The following DLG2 variants were observed in gnomAD, a reference collection of about 807,000 sequenced individuals.
DLG2 encodes the protein discs large MAGUK scaffold protein 2, also known as disks large homolog 2.
Under a neutral mutation model 132.5 loss-of-function variants are expected in DLG2, and 45 were observed. The ratio of observed to expected loss-of-function variants is 0.34; its 90% CI spans 0.27 to 0.44. The LOEUF (loss-of-function observed/expected upper bound fraction) is 0.44, where lower values mean the gene tolerates loss of function less well. Ranked by LOEUF, DLG2 falls within the 20% of genes least tolerant of loss-of-function variation. The pLI, the probability that DLG2 is intolerant of heterozygous loss-of-function variation, is 1.00. For synonymous variants in DLG2, 424 were observed against 419.6 expected, an observed-to-expected ratio of 1.01 and a Z score of -0.13; for missense variants, 1,045 against 1,196.9, an observed-to-expected ratio of 0.87 and a Z score of 1.87.
At chr11:84,563,166 T>C (rs967148137) in intron 6 of DLG2, among the ~76,000 whole-genome samples, 5 of 152,166 alleles carry the variant, frequency 3.3e-5, no homozygotes, top group East Asian at 1.9e-4. Context: ...TAAATACATA[T>C]ATGTTGAATA....
chr11:85,140,382 G>A (rs2076388169), intron 5 of DLG2, among the ~76,000 whole-genome samples: 1 of 151,794 alleles, frequency 6.6e-6, no homozygotes, highest in South Asian at 2.1e-4. Context: ...CCAAAACAAA[G>A]AAAGGTATGC....
intron 6 of DLG2, among the ~76,000 whole-genome samples, chr11:84,779,658 T>A (rs553702705): frequency 4.0e-5 from 6 of 151,894 alleles, no homozygotes; most frequent in African/African-American, 7.2e-5. Context: ...GAGGAGAGAA[T>A]AACCAAATAA....
At chr11:83,903,847 A>C (rs1322682710) in intron 15 of DLG2, among the ~76,000 whole-genome samples, 1 of 152,182 alleles carries the variant, frequency 6.6e-6, no homozygotes, top group Non-Finnish European at 1.5e-5. Flanking sequence ...TCTTATCTTC[A>C]GTGGAAATGT....
intron 18 of DLG2, among the ~76,000 whole-genome samples, chr11:83,654,263 T>C (rs2071604949): frequency 5.3e-5 from 8 of 152,128 alleles, no homozygotes; most frequent in Admixed American, 5.2e-4. Flanking sequence ...TAGAATAATA[T>C]CAGAGAATGT....
intron 6 of DLG2, among the ~76,000 whole-genome samples, chr11:84,768,422 G>C (rs971629291): frequency 6.6e-6 from 1 of 151,976 alleles, no homozygotes; most frequent in African/African-American, 2.4e-5. Context: ...TTACTTCAGA[G>C]TGTCACTTCA....
chr11:84,422,650 G>A (rs2098954583), intron 7 of DLG2, among the ~76,000 whole-genome samples: 2 of 152,104 alleles, frequency 1.3e-5, no homozygotes, highest in Admixed American at 6.5e-5. Context: ...AGTTGAAGTT[G>A]TTTTAGTTTA....
chr11:85,050,156 T>A lies in DLG2; in HGVS notation c.357+61505A>T, dbSNP rs868171944. On this transcript the variant is annotated intron_variant, in intron 6 of 27. Coordinates refer to ENST00000376104, the MANE Select transcript of DLG2 (RefSeq NM_001142699.3). ...CACACACACACACACACACACACAC[T>A]GCACACATACATCTTCTGAACTGAG... 7.6e-4 allele frequency among the ~76,000 whole-genome samples: 63 copies of A among 82,624 alleles called. 2 individuals are homozygous for A. Among genetic ancestry groups the A allele is most frequent in the African/African-American group, 2.8e-3 (56 of 20,314 alleles). 54.2% of individuals were successfully genotyped at this position (82,624 alleles called of 152,430 possible). A position where few individuals can be genotyped will look rare whatever the true frequency, so the allele number is the denominator to read the frequency against.
rs116040843 is a variant in DLG2, at chr11:85,542,329, C to G, written c.40+56328G>C. ...TATATTATGTTGGAGAACTCCCCCACGGACCAACAAAAAATGTGTGTACAA... is the reference window on the plus strand; with the variant it reads ...TATATTATGTTGGAGAACTCCCCCAGGGACCAACAAAAAATGTGTGTACAA... On this transcript the variant is annotated intron_variant, in intron 3 of 27. Coordinates refer to ENST00000376104, the MANE Select transcript of DLG2 (RefSeq NM_001142699.3). 2.6e-5 allele frequency among the ~76,000 whole-genome samples: 4 copies of G among 152,148 alleles called. No homozygotes were observed. In the East Asian group the frequency reaches 7.7e-4, roughly 29 times the overall value.
At chr11:83,882,650 C>A (rs924936372) in intron 15 of DLG2, among the ~76,000 whole-genome samples, 1 of 152,124 alleles carries the variant, frequency 6.6e-6, no homozygotes, top group African/African-American at 2.4e-5. Flanking sequence ...TGCCACTATA[C>A]AATCATATTT....
intron 18 of DLG2, among the ~76,000 whole-genome samples, chr11:83,714,471 A>T (rs2086225655): frequency 6.6e-6 from 1 of 152,222 alleles, no homozygotes; most frequent in Non-Finnish European, 1.5e-5. Flanking sequence ...TAATCTGTCT[A>T]AGATCACATA....
chr11:85,015,721 A>G (rs970989030), intron 6 of DLG2, among the ~76,000 whole-genome samples: 1 of 152,138 alleles, frequency 6.6e-6, no homozygotes, highest in South Asian at 2.1e-4. Flanking sequence ...TGTTACTTAG[A>G]AAGTATATAC....
At position 84,995,966 on chromosome 11, in the gene DLG2, A is replaced by C. The variant is rs2057612640; in HGVS notation, c.357+115695T>G. On this transcript the variant is annotated intron_variant, in intron 6 of 27. Coordinates refer to ENST00000376104, the MANE Select transcript of DLG2 (RefSeq NM_001142699.3). ...AAGTTTATTTTTACTCTAACATTTA[A>C]TCTCCTTTCTATTGACCAGCTCAGC... Among the ~76,000 whole-genome samples, 4 of 152,020 alleles carry C rather than the reference A, an allele frequency of 2.6e-5. No individual in the cohort carries two copies. In the South Asian group the frequency reaches 8.3e-4, roughly 32 times the overall value.
chr11:85,272,181 G>A (rs567967144), intron 4 of DLG2, among the ~76,000 whole-genome samples: 2 of 152,052 alleles, frequency 1.3e-5, no homozygotes, highest in African/African-American at 4.8e-5. Flanking sequence ...GTTTTATAAA[G>A]GGGAGTTTCC....
intron 2 of DLG2, among the ~76,000 whole-genome samples, chr11:85,609,461 G>A (rs763346487): frequency 3.9e-5 from 6 of 152,158 alleles, no homozygotes; most frequent in Admixed American, 1.3e-4. Flanking sequence ...ACAAACTTTG[G>A]TGGTTCAAAG....
At chr11:85,001,510 G>C (rs1445443158) in intron 6 of DLG2, among the ~76,000 whole-genome samples, 1 of 152,128 alleles carries the variant, frequency 6.6e-6, no homozygotes, top group South Asian at 2.1e-4. Context: ...TGTCATCAGA[G>C]AGTATGTAAA....
At chr11:83,509,311 T>C (rs2094890289) in intron 21 of DLG2, among the ~76,000 whole-genome samples, 1 of 152,244 alleles carries the variant, frequency 6.6e-6, no homozygotes, top group African/African-American at 2.4e-5. Flanking sequence ...TTAATAATAA[T>C]GCCTACTTCA....
At chr11:84,587,106 A>G (rs1265540423) in intron 6 of DLG2, among the ~76,000 whole-genome samples, 1 of 150,266 alleles carries the variant, frequency 6.7e-6, no homozygotes, top group Non-Finnish European at 1.5e-5. Flanking sequence ...TGTGAGAAGT[A>G]CATATCCAGG....
chr11:84,911,297 A>C (rs940988874), intron 6 of DLG2, among the ~76,000 whole-genome samples: 2 of 151,988 alleles, frequency 1.3e-5, no homozygotes, highest in African/African-American at 4.8e-5. Context: ...TAACTTTTAA[A>C]TTTTAATTCA....
intron 8 of DLG2, among the ~76,000 whole-genome samples, chr11:84,173,502 T>G (rs1268307811): frequency 6.6e-6 from 1 of 152,244 alleles, no homozygotes; most frequent in East Asian, 1.9e-4. Flanking sequence ...TATCAAGAAC[T>G]CAAAGCACAT....
Sources: gnomAD v4.1 joint callset for allele counts (sites outside exome capture counted in the v4.1 genomes callset) on GRCh38, gnomAD v4.1.1 for gene constraint, MANE v1.5 for transcripts, NCBI Gene and HGNC (gene_info 2026-07-23, HGNC 2026-07-21) for gene names.